The following DLGAP2 variants were observed in gnomAD, a reference collection of about 807,000 sequenced individuals.
The protein encoded by DLGAP2 is disks large-associated protein 2.
DLGAP2 carries 26 observed loss-of-function variants against 100.3 expected under a neutral mutation model. The ratio of observed to expected loss-of-function variants is 0.26; its 90% CI spans 0.19 to 0.36. The LOEUF is 0.36. DLGAP2 is among the 10% of genes least tolerant of loss of function. DLGAP2 has a pLI of 1.00. For missense variants in DLGAP2, 1,858 were observed against 1,453.2 expected (o/e 1.28, Z -4.53); for synonymous variants, 886 against 630.1 (o/e 1.41, Z -6.08).
chr8:890,321 C>T (rs183590239), intron 1 of DLGAP2, among the ~76,000 whole-genome samples: 1 of 152,128 alleles, frequency 6.6e-6, no homozygotes, highest in African/African-American at 2.4e-5. Context: ...CTTTTCAGAG[C>T]GTTTGTGACC....
At chr8:1,008,555 G>C (rs1052824809) in intron 2 of DLGAP2, among the ~76,000 whole-genome samples, 2 of 152,348 alleles carry the variant, frequency 1.3e-5, no homozygotes, top group South Asian at 2.1e-4. Context: ...ACAAGAAAAA[G>C]TTAAGACTTG....
chr8:873,486 G>A (rs1797636054), intron 1 of DLGAP2, among the ~76,000 whole-genome samples: 1 of 152,120 alleles, frequency 6.6e-6, no homozygotes, highest in Non-Finnish European at 1.5e-5. Flanking sequence ...CTTTTATTAA[G>A]TCAAGGAACT....
chr8:1,436,687 C>T (rs1797640519), intron 3 of DLGAP2, among the ~76,000 whole-genome samples: 1 of 152,106 alleles, frequency 6.6e-6, no homozygotes, highest in Non-Finnish European at 1.5e-5. Context: ...CAGTAGCATA[C>T]AGTGATGTCT....
chr8:1,028,333 G>C (rs1244829979), intron 2 of DLGAP2, among the ~76,000 whole-genome samples: 1 of 139,712 alleles, frequency 7.2e-6, no homozygotes, highest in African/African-American at 2.7e-5. Flanking sequence ...TATTCTCCAG[G>C]TCGGGTGTCA....
At chr8:1,426,747 A>C (rs2129959711) in intron 3 of DLGAP2, among the ~76,000 whole-genome samples, 1 of 152,356 alleles carries the variant, frequency 6.6e-6, no homozygotes, top group East Asian at 1.9e-4. Flanking sequence ...AGATGGTCAA[A>C]TTATGGCTTC....
rs73536096 is a variant in DLGAP2, at chr8:957,412, A to G, written c.73+49446A>G. 2.5e-3 allele frequency among the ~76,000 whole-genome samples: 381 copies of G among 152,330 alleles called. 1 individual carries two copies. The highest frequency in any genetic ancestry group is 8.4e-3 in the African/African-American group (351 of 41,576). Reference sequence around the variant, plus strand: ...AAACGCAGGGCTGCTGTGTCTTGGAAGCTGGGTTTAAAGCGTATTTTTCAC... The same window carrying G: ...AAACGCAGGGCTGCTGTGTCTTGGAGGCTGGGTTTAAAGCGTATTTTTCAC... On this transcript the variant is annotated intron_variant, in intron 2 of 14. Coordinates refer to ENST00000637795, the MANE Select transcript of DLGAP2 (RefSeq NM_001346810.2).
chr8:1,684,294 T>C (rs1424174242), intron 12 of DLGAP2, among the ~76,000 whole-genome samples: 1 of 151,986 alleles, frequency 6.6e-6, no homozygotes, highest in East Asian at 1.9e-4. Context: ...GTCAAAACAC[T>C]TGTTATGCCC....
chr8:1,244,122 G>A (rs185325869), intron 2 of DLGAP2, among the ~76,000 whole-genome samples: 27 of 152,268 alleles, frequency 1.8e-4, no homozygotes, highest in Admixed American at 7.8e-4. Context: ...GGTGAGTGTC[G>A]GATGCTCCCA....
At chr8:1,041,245 G>A (rs1296370962) in intron 2 of DLGAP2, among the ~76,000 whole-genome samples, 1 of 152,196 alleles carries the variant, frequency 6.6e-6, no homozygotes, top group Non-Finnish European at 1.5e-5. Flanking sequence ...TTGTGATGGC[G>A]ATCTTATGTT....
intron 3 of DLGAP2, chr8:1,301,764 C>T (rs1162661036): frequency 6.6e-6 from 1 of 152,310 alleles, no homozygotes; most frequent in Non-Finnish European, 1.5e-5. Flanking sequence ...TTGTTCTCGC[C>T]ACAGCACCCC....
At chr8:1,574,868 A>C (rs1352096813) in intron 6 of DLGAP2, among the ~76,000 whole-genome samples, 1 of 152,202 alleles carries the variant, frequency 6.6e-6, no homozygotes, top group Non-Finnish European at 1.5e-5. Flanking sequence ...GACTCATGAG[A>C]TTTTGCAAGC....
rs368030190 is a variant in DLGAP2 at position 1,678,300 on chromosome 8, C to T, written c.2375C>T (p.Thr792Met). ...ELEGFPGHIT[T>M]EDKGLQFGSS... The stretch of plus-strand genomic sequence containing the variant: ...GAGGGGTTCCCAGGCCACATCACCA[C>T]GGAGGACAAAGGCCTTCAGTTCGGC... Residue 792 changes from threonine (T) to methionine (M), a missense_variant, in exon 12 of 15, where the codon ACG becomes ATG. Physicochemically the swap from Thr to Met is moderately conservative, Grantham distance 81. Transcript: ENST00000637795. The T allele has an allele frequency of 2.8e-5, 45 of 1,613,896 alleles. No homozygotes were observed. Among genetic ancestry groups the T allele is most frequent in the East Asian group, 1.1e-4 (5 of 44,898 alleles).
At chr8:787,156 TC>T in intron 1 of DLGAP2, among the ~76,000 whole-genome samples, 1 of 152,344 alleles carries the variant, frequency 6.6e-6, no homozygotes, top group East Asian at 1.9e-4. Flanking sequence ...CATTCATTTA[TC>T]CAACTTGATG....
At chr8:1,491,874 C>T (rs946641637) in intron 3 of DLGAP2, among the ~76,000 whole-genome samples, 1 of 152,142 alleles carries the variant, frequency 6.6e-6, no homozygotes, top group African/African-American at 2.4e-5. Context: ...AAGATGATGT[C>T]GTAGTTTATC....
At chr8:1,317,766 G>T (rs1420417764) in intron 3 of DLGAP2, among the ~76,000 whole-genome samples, 1 of 98,300 alleles carries the variant, frequency 1.0e-5, no homozygotes, top group Non-Finnish European at 2.0e-5. Context: ...CTCCAACAGT[G>T]GTCTACACTC....
rs140445308 is a variant in DLGAP2, at chr8:1,507,496, C to T, written c.172+6065C>T. 1.5e-3 allele frequency among the ~76,000 whole-genome samples: 234 copies of T among 152,260 alleles called. 2 individuals carry two copies. The highest frequency in any genetic ancestry group is 0.012 in the South Asian group (59 of 4,828). On this transcript the variant is annotated intron_variant, in intron 4 of 14. Transcript: ENST00000637795. ...CCAGAACTCGCGCTGGCCCATGAGC[C>T]CACACCTCTCCCTCCACGCCTCCCC... is the stretch of plus-strand genomic sequence containing the variant.
At chr8:1,283,086 G>A (rs1042938521) in intron 3 of DLGAP2, among the ~76,000 whole-genome samples, 7 of 143,224 alleles carry the variant, frequency 4.9e-5, no homozygotes, top group South Asian at 2.3e-4. Flanking sequence ...GCATCCAGAC[G>A]TGGTGTGACC....
intron 2 of DLGAP2, among the ~76,000 whole-genome samples, chr8:950,933 T>A (rs1280136714): frequency 6.6e-6 from 1 of 151,980 alleles, no homozygotes; most frequent in Non-Finnish European, 1.5e-5. Flanking sequence ...CCTAGAATAT[T>A]TCTTATATTA....
In DLGAP2 at chr8:1,565,214, C is replaced by T. The variant is rs1238425362; in HGVS notation, c.1231-469C>T. 2.0e-5 allele frequency among the ~76,000 whole-genome samples: 3 copies of T among 152,196 alleles called. No individual in the cohort carries two copies. The East Asian group carries it at 5.8e-4, about 29-fold the overall frequency. ...CTGAGAATTTGCATGTATGATAGAA[C>T]TTGGCTTCTAGATTTAAAACCGTCC... On this transcript the variant is annotated intron_variant, in intron 5 of 14. Coordinates refer to ENST00000637795, the MANE Select transcript of DLGAP2 (RefSeq NM_001346810.2).
Sources: gnomAD v4.1 joint callset for allele counts (sites outside exome capture counted in the v4.1 genomes callset) on GRCh38, gnomAD v4.1.1 for gene constraint, MANE v1.5 for transcripts, NCBI Gene and HGNC (gene_info 2026-07-23, HGNC 2026-07-21) for gene names.